The following SPIDR variants were observed in gnomAD, a reference collection of about 807,000 sequenced individuals.
The protein encoded by SPIDR is scaffold protein involved in DNA repair.
Under a neutral mutation model 104.6 loss-of-function variants are expected in SPIDR, and 93 were observed. The observed-to-expected ratio is 0.89, with a 90% CI of 0.75 to 1.06. The LOEUF is 1.06. Among genes scored for constraint, SPIDR ranks in the 50% least tolerant of loss-of-function variants. The pLI, the probability that SPIDR is intolerant of heterozygous loss-of-function variation, is 0.00. For missense variants in SPIDR, 1,154 were observed against 1,111.2 expected, an observed-to-expected ratio of 1.04 and a Z score of -0.55; for synonymous variants, 431 against 416.9, an observed-to-expected ratio of 1.03 and a Z score of -0.41.
intron 8 of SPIDR, among the ~76,000 whole-genome samples, chr8:47,481,048 G>A (rs1038339792): frequency 2.0e-5 from 3 of 152,190 alleles, no homozygotes; most frequent in Admixed American, 2.0e-4. Flanking sequence ...TGGTGGTAAT[G>A]GCAGAAAAGG....
At chr8:47,276,912 G>A (rs1317644413) in intron 1 of SPIDR, 3 of 145,842 alleles carry the variant, frequency 2.1e-5, no homozygotes, top group Non-Finnish European at 4.5e-5. Context: ...GGCATTATGA[G>A]TTTCTTCCTC....
intron 10 of SPIDR, among the ~76,000 whole-genome samples, chr8:47,665,065 G>A (rs1314734809): frequency 6.6e-6 from 1 of 152,136 alleles, no homozygotes; most frequent in Non-Finnish European, 1.5e-5. Flanking sequence ...AATAATGGCT[G>A]AGCACTTATC....
chr8:47,735,855 G>C lies in SPIDR; in HGVS notation c.*405G>C. 1 of 344,240 alleles carries C rather than the reference G, an allele frequency of 2.9e-6. No homozygotes were observed. Among genetic ancestry groups the C allele is most frequent in the Non-Finnish European group, 5.4e-6 (1 of 183,630 alleles). The allele number at this position is 344,240 out of a possible 1,614,324, so 21.3% of individuals were successfully genotyped here. On this transcript the variant is annotated 3_prime_UTR_variant, in exon 20 of 20. Coordinates refer to ENST00000297423, the MANE Select transcript of SPIDR (RefSeq NM_001080394.4). ...TCCCCCAAAGAATACCCTGCAAAGT[G>C]TAAACCTTTGTCCCATACTGTGATA...
intron 7 of SPIDR, among the ~76,000 whole-genome samples, chr8:47,420,504 G>A (rs1588477999): frequency 1.3e-5 from 2 of 152,214 alleles, no homozygotes; most frequent in South Asian, 4.1e-4. Flanking sequence ...GAGCCTATGT[G>A]TGTCTCTGCA....
Position 47,727,180 on chromosome 8 carries a change from T to C in SPIDR, c.2342-20T>C, listed in dbSNP as rs761323690. The C allele has an allele frequency of 1.2e-6, 2 of 1,613,302 alleles. No homozygotes were observed. Among genetic ancestry groups the C allele is most frequent in the East Asian group, 4.5e-5 (2 of 44,862 alleles). On this transcript the variant is annotated intron_variant, in intron 16 of 19. Transcript: ENST00000297423. ...GGGCAGAGCCGCCTCTGAGGTGGGC[T>C]TTCCTTCTCTTGGGCCTAGGCACTG...
intron 19 of SPIDR, chr8:47,732,260 T>C: frequency 1.4e-6 from 1 of 699,826 alleles, no homozygotes; most frequent in Non-Finnish European, 2.6e-6. Context: ...GCCCTGCTTA[T>C]AAAGAGCTCA....
chr8:47,283,037 G>A (rs1457020778), intron 2 of SPIDR, among the ~76,000 whole-genome samples: 1 of 152,040 alleles, frequency 6.6e-6, no homozygotes, highest in Non-Finnish European at 1.5e-5. Context: ...TGTATTTTTG[G>A]TAGAGATGGG....
At chr8:47,618,166 C>T (rs1036583273) in intron 10 of SPIDR, among the ~76,000 whole-genome samples, 3 of 152,000 alleles carry the variant, frequency 2.0e-5, no homozygotes. Context: ...CCTCTCGTGT[C>T]ATTTTCTAGT....
chr8:47,719,438 G>A (rs2083063915), intron 16 of SPIDR, among the ~76,000 whole-genome samples: 1 of 152,134 alleles, frequency 6.6e-6, no homozygotes, highest in African/African-American at 2.4e-5. Flanking sequence ...GAACCTGGGA[G>A]GCAGAGCTTG....
chr8:47,309,396 A>G (rs1443995022), intron 5 of SPIDR, among the ~76,000 whole-genome samples: 2 of 152,194 alleles, frequency 1.3e-5, no homozygotes, highest in Non-Finnish European at 2.9e-5. Flanking sequence ...TTATCTTAGT[A>G]TAGCATTTTC....
intron 5 of SPIDR, among the ~76,000 whole-genome samples, chr8:47,379,857 C>T (rs1027928353): frequency 1.3e-5 from 2 of 152,178 alleles, no homozygotes; most frequent in African/African-American, 4.8e-5. Context: ...GGGCCCACAG[C>T]TCAGGGCTGT....
At chr8:47,673,658 C>A in intron 10 of SPIDR, 143 bp from the exon 11 acceptor site, 1 of 1,123,348 alleles carries the variant, frequency 8.9e-7, no homozygotes, top group South Asian at 1.4e-5. Context: ...TTTTTCCCCC[C>A]TTGGTTTTTC....
At position 47,623,030 on chromosome 8, in the gene SPIDR, G is replaced by A. The variant is rs1261186552; in HGVS notation, c.1544+23834G>A. Among the ~76,000 whole-genome samples, 4 of 152,156 alleles carry A rather than the reference G, an allele frequency of 2.6e-5. No homozygotes were observed. The East Asian group carries it at 7.7e-4, about 29-fold the overall frequency. ...CTGTCCATCTGTGAGATGAAGATGAGAGAAATTGCCACAGGACCTTGTAGT... is the reference window on the plus strand; with the variant it reads ...CTGTCCATCTGTGAGATGAAGATGAAAGAAATTGCCACAGGACCTTGTAGT... On this transcript the variant is annotated intron_variant, in intron 10 of 19. Transcript: ENST00000297423.
chr8:47,728,426 G>A (rs1010529297), intron 17 of SPIDR, among the ~76,000 whole-genome samples: 1 of 151,902 alleles, frequency 6.6e-6, no homozygotes, highest in African/African-American at 2.4e-5. Context: ...AACAGAGAGA[G>A]AGCGAGACTC....
At chr8:47,293,486 G>A (rs1279079134) in intron 4 of SPIDR, among the ~76,000 whole-genome samples, 1 of 151,868 alleles carries the variant, frequency 6.6e-6, no homozygotes, top group Non-Finnish European at 1.5e-5. Flanking sequence ...TCGTTCTGTT[G>A]CCCAGGCTGG....
intron 8 of SPIDR, among the ~76,000 whole-genome samples, chr8:47,550,926 A>G (rs2090353509): frequency 6.6e-6 from 1 of 152,138 alleles, no homozygotes. Context: ...AGCTCTTATT[A>G]TTTTGAGATA....
At chr8:47,348,928 C>T (rs782697491) in intron 5 of SPIDR, among the ~76,000 whole-genome samples, 12 of 152,040 alleles carry the variant, frequency 7.9e-5, no homozygotes, top group Middle Eastern at 3.2e-3. Flanking sequence ...TTGTTATTAC[C>T]GATATTCTGA....
At chr8:47,629,572 G>A (rs1263792859) in intron 10 of SPIDR, among the ~76,000 whole-genome samples, 3 of 152,202 alleles carry the variant, frequency 2.0e-5, no homozygotes, top group African/African-American at 7.2e-5. Context: ...GGCCAACATA[G>A]TGAAGCCCCT....
intron 15 of SPIDR, 94 bp from the exon 16 acceptor site, chr8:47,713,389 TCACCTG>T (rs2154488747): frequency 6.5e-7 from 1 of 1,533,462 alleles, no homozygotes; most frequent in African/African-American, 1.4e-5. Context: ...AACTGCACCT[TCACCTG>T]CATGACTCGA....
Sources: gnomAD v4.1 joint callset for allele counts (sites outside exome capture counted in the v4.1 genomes callset) on GRCh38, gnomAD v4.1.1 for gene constraint, MANE v1.5 for transcripts, NCBI Gene and HGNC (gene_info 2026-07-23, HGNC 2026-07-21) for gene names.